Variants in HCN1 observed in about 807,000 individuals in gnomAD.
HCN1 encodes potassium/sodium hyperpolarization-activated cyclic nucleotide-gated channel 1.
In HCN1, 13 loss-of-function variants were observed where a neutral mutation model predicts 78.9. The ratio of observed to expected loss-of-function variants is 0.16; its 90% CI spans 0.11 to 0.26. The LOEUF is 0.26. HCN1 is among the 10% of genes least tolerant of loss of function. HCN1 has a pLI of 1.00. For synonymous variants in HCN1, 552 were observed against 455.5 expected, an observed-to-expected ratio of 1.21 and a Z score of -2.70; for missense variants, 810 against 1,154.3, an observed-to-expected ratio of 0.70 and a Z score of 4.32.
chr5:45,441,589 A>G (rs1222020056), intron 3 of HCN1, among the ~76,000 whole-genome samples: 1 of 152,206 alleles, frequency 6.6e-6, no homozygotes, highest in African/African-American at 2.4e-5. Flanking sequence ...TATACTTAAA[A>G]CTGAACAACA....
At chr5:45,625,988 C>T (rs895041242) in intron 2 of HCN1, among the ~76,000 whole-genome samples, 9 of 152,064 alleles carry the variant, frequency 5.9e-5, no homozygotes, top group African/African-American at 2.2e-4. Flanking sequence ...TTTTATGTGC[C>T]AGGAATTGTG....
At chr5:45,596,848 C>T (rs1363243236) in intron 2 of HCN1, among the ~76,000 whole-genome samples, 1 of 152,022 alleles carries the variant, frequency 6.6e-6, no homozygotes, top group East Asian at 1.9e-4. Flanking sequence ...TTGTATTATC[C>T]AAAATAAAAT....
intron 2 of HCN1, among the ~76,000 whole-genome samples, chr5:45,531,506 C>T (rs748739603): frequency 6.6e-6 from 1 of 152,250 alleles, no homozygotes; most frequent in East Asian, 1.9e-4. Flanking sequence ...AAAGAACACC[C>T]TCTGTTGTCC....
At chr5:45,690,001 T>A (rs965565915) in intron 1 of HCN1, among the ~76,000 whole-genome samples, 1 of 152,174 alleles carries the variant, frequency 6.6e-6, no homozygotes, top group East Asian at 1.9e-4. Flanking sequence ...ATGTATAGAA[T>A]CTCTAGAATG....
chr5:45,391,030 CACGGT>C (rs1739549131), intron 4 of HCN1, among the ~76,000 whole-genome samples: 1 of 152,016 alleles, frequency 6.6e-6, no homozygotes. Context: ...TTTAACATAC[CACGGT>C]ATGTTAAATT....
chr5:45,523,320 C>T (rs76953625), intron 2 of HCN1, among the ~76,000 whole-genome samples: 37,183 of 151,816 alleles, frequency 0.24, 4,664 homozygotes, highest in East Asian at 0.32. Flanking sequence ...AATAAACATA[C>T]GTGTGCATGT....
At chr5:45,595,033 G>A (rs1286209929) in intron 2 of HCN1, among the ~76,000 whole-genome samples, 1 of 152,138 alleles carries the variant, frequency 6.6e-6, no homozygotes, top group Admixed American at 6.5e-5. Context: ...GATGTGGAAT[G>A]ACTTTATCCA....
intron 4 of HCN1, among the ~76,000 whole-genome samples, chr5:45,372,049 A>G (rs1435727980): frequency 1.8e-5 from 1 of 56,636 alleles, no homozygotes; most frequent in Non-Finnish European, 2.7e-5. Context: ...TATATTATAT[A>G]TATAATATAA....
At chr5:45,343,268 T>C (rs1443236120) in intron 5 of HCN1, among the ~76,000 whole-genome samples, 1 of 152,166 alleles carries the variant, frequency 6.6e-6, no homozygotes, top group Non-Finnish European at 1.5e-5. Context: ...CTTGATTCAA[T>C]TTATAATGCA....
chr5:45,414,905 T>C lies in HCN1; in HGVS notation c.1012-18195A>G, dbSNP rs72762050. ...GACTTGGCATCCTTAATAACTATGC[T>C]TGTCTTTTGTGCATTTCTTCCTTGT... On this transcript the variant is annotated intron_variant, in intron 3 of 7. Coordinates refer to ENST00000303230, the MANE Select transcript of HCN1 (RefSeq NM_021072.4). Among the ~76,000 whole-genome samples, 648 of 152,132 alleles carry C rather than the reference T, an allele frequency of 4.3e-3. 1 individual carries two copies. The highest frequency in any genetic ancestry group is 5.8e-3 in the Admixed American group (89 of 15,236).
chr5:45,306,343 G>C (rs894013723), intron 5 of HCN1, among the ~76,000 whole-genome samples: 1 of 152,002 alleles, frequency 6.6e-6, no homozygotes, highest in African/African-American at 2.4e-5. Flanking sequence ...CAATTAACCT[G>C]ATCTTTAGTC....
intron 2 of HCN1, among the ~76,000 whole-genome samples, chr5:45,549,090 C>T (rs1205646210): frequency 6.6e-6 from 1 of 151,790 alleles, no homozygotes; most frequent in Non-Finnish European, 1.5e-5. Flanking sequence ...TTTATAGATT[C>T]AATGCCATCC....
chr5:45,684,019 T>G (rs1345637666), intron 1 of HCN1, among the ~76,000 whole-genome samples: 1 of 152,172 alleles, frequency 6.6e-6, no homozygotes, highest in Non-Finnish European at 1.5e-5. Context: ...AAAGTCTCTA[T>G]CTTTGAATCG....
intron 3 of HCN1, among the ~76,000 whole-genome samples, chr5:45,424,371 C>T (rs1453622854): frequency 6.6e-6 from 1 of 151,868 alleles, no homozygotes; most frequent in Non-Finnish European, 1.5e-5. Flanking sequence ...GCCTAAGAAT[C>T]GTGTCAACAT....
At chr5:45,426,403 A>G (rs776824975) in intron 3 of HCN1, among the ~76,000 whole-genome samples, 16 of 152,164 alleles carry the variant, frequency 1.1e-4, no homozygotes, top group Non-Finnish European at 2.1e-4. Context: ...CTTGAATTGT[A>G]ATAGTCCCCA....
intron 7 of HCN1, among the ~76,000 whole-genome samples, chr5:45,263,316 A>T (rs1298329206): frequency 6.6e-6 from 1 of 152,108 alleles, no homozygotes; most frequent in Non-Finnish European, 1.5e-5. Context: ...CTGAAAGGAG[A>T]TCAGGACATG....
intron 5 of HCN1, among the ~76,000 whole-genome samples, chr5:45,318,941 T>C (rs1746063338): frequency 6.6e-6 from 1 of 152,024 alleles, no homozygotes; most frequent in East Asian, 1.9e-4. Flanking sequence ...TAAATGAGGT[T>C]GCATACTGTG....
chr5:45,414,600 CAGA>C lies in HCN1; in HGVS notation c.1012-17893_1012-17891del, dbSNP rs372473128. On this transcript the variant is annotated intron_variant, in intron 3 of 7. Transcript: ENST00000303230. ...ACTGGGTGGGTCCAGAGCTTCTAGA[CAGA>C]AGAACAGCTGAACAGTATCTGCTTC... Among the ~76,000 whole-genome samples the C allele has an allele frequency of 8.6e-3, 1,308 of 152,158 alleles. 26 individuals carry two copies. The highest frequency in any genetic ancestry group is 0.031 in the African/African-American group (1,280 of 41,552).
chr5:45,574,111 T>C (rs182093169), intron 2 of HCN1, among the ~76,000 whole-genome samples: 9 of 152,140 alleles, frequency 5.9e-5, no homozygotes, highest in Admixed American at 1.3e-4. Flanking sequence ...AATACCATGA[T>C]GCTATATAGC....
Sources: gnomAD v4.1 joint callset for allele counts (sites outside exome capture counted in the v4.1 genomes callset) on GRCh38, gnomAD v4.1.1 for gene constraint, MANE v1.5 for transcripts, NCBI Gene and HGNC (gene_info 2026-07-23, HGNC 2026-07-21) for gene names.